The following MANBA variants were observed in gnomAD, a reference collection of about 807,000 sequenced individuals.
MANBA encodes mannosidase beta, also known as beta-mannosidase.
In MANBA, 83 loss-of-function variants were observed where a neutral mutation model predicts 111.1. The ratio of observed to expected loss-of-function variants is 0.75; its 90% CI spans 0.63 to 0.90. The LOEUF (loss-of-function observed/expected upper bound fraction) is 0.90, where lower values mean the gene tolerates loss of function less well. Among genes scored for constraint, MANBA ranks in the 40% least tolerant of loss-of-function variants. The probability of loss-of-function intolerance (pLI) is 0.00; values close to 1 mark genes in which losing one functional copy is unlikely to be tolerated. For synonymous variants in MANBA, 370 were observed against 378.7 expected, an observed-to-expected ratio of 0.98 and a Z score of 0.27; for missense variants, 1,036 against 1,069.0, an observed-to-expected ratio of 0.97 and a Z score of 0.43.
At chr4:102,673,806 T>A (rs1731602602) in intron 8 of MANBA, 113 bp downstream of exon 8, 6 of 956,918 alleles carry the variant, frequency 6.3e-6, no homozygotes, top group Middle Eastern at 2.1e-4. Context: ...TAGAATTCTA[T>A]ACTACCTCTT....
At chr4:102,725,705 C>A (rs1055163726) in intron 2 of MANBA, among the ~76,000 whole-genome samples, 13 of 151,986 alleles carry the variant, frequency 8.6e-5, no homozygotes, top group Non-Finnish European at 1.8e-4. Flanking sequence ...CAGCTTTGGC[C>A]TCTTTCCTGG....
intron 1 of MANBA, among the ~76,000 whole-genome samples, chr4:102,756,017 C>G (rs1723997300): frequency 6.6e-6 from 1 of 152,216 alleles, no homozygotes; most frequent in Non-Finnish European, 1.5e-5. Context: ...CACTTTTACA[C>G]TGTTGGTGGG....
chr4:102,679,674 AG>A (rs527826831), intron 7 of MANBA: 8 of 152,314 alleles, frequency 5.3e-5, no homozygotes, highest in African/African-American at 1.9e-4. Context: ...TGTTCAACAA[AG>A]GGTATAGCCA....
At position 102,639,759 on chromosome 4, in the gene MANBA, A is replaced by T; in HGVS notation, c.1968T>A (p.Tyr656Ter). ...CTTGCCAGATGTCATTCAACTGCCA[A>T]TAAAGTGCCCCCATCGTGTGCCCTT... ...DQQGHTMGAL[Y>*]WQLNDIWQAP... The change falls in exon 14 of 17, where the codon TAT becomes TAA. Residue 656 changes from tyrosine to a stop codon, truncating the protein, a stop_gained. Coordinates refer to ENST00000647097, the MANE Select transcript of MANBA (RefSeq NM_005908.4). LOFTEE classifies it high-confidence loss of function. 3 of 1,614,166 alleles carry T rather than the reference A, an allele frequency of 1.9e-6. No individual in the cohort carries two copies. The South Asian group carries it at 3.3e-5, about 18-fold the overall frequency.
chr4:102,685,777 AC>A (rs536788497), intron 7 of MANBA, among the ~76,000 whole-genome samples: 5 of 151,982 alleles, frequency 3.3e-5, no homozygotes, highest in Non-Finnish European at 7.4e-5. Context: ...GAATCCAGAG[AC>A]CCCCCCATTC....
At chr4:102,731,165 A>C (rs116345832) in intron 1 of MANBA, among the ~76,000 whole-genome samples, 1 of 152,108 alleles carries the variant, frequency 6.6e-6, no homozygotes, top group African/African-American at 2.4e-5. Context: ...TGCAGAAGTA[A>C]ATTGCCTTGC....
At chr4:102,699,624 T>A (rs1266386910) in intron 5 of MANBA, among the ~76,000 whole-genome samples, 2 of 150,928 alleles carry the variant, frequency 1.3e-5, no homozygotes, top group Non-Finnish European at 1.5e-5. Flanking sequence ...ATCATGTGGT[T>A]TTTGTCTTTG....
At chr4:102,633,622 G>A (rs370817809) in intron 16 of MANBA, 7 of 393,046 alleles carry the variant, frequency 1.8e-5, no homozygotes, top group African/African-American at 6.2e-5. Flanking sequence ...AAGTCTCACT[G>A]AAATCAAAAT....
chr4:102,719,232 T>A (rs945105915), intron 4 of MANBA, among the ~76,000 whole-genome samples: 14 of 152,192 alleles, frequency 9.2e-5, no homozygotes, highest in African/African-American at 2.9e-4. Flanking sequence ...GGGTTACTCC[T>A]TGCTGGGAAA....
chr4:102,707,601 G>T (rs1253194967), intron 5 of MANBA, among the ~76,000 whole-genome samples: 1 of 151,982 alleles, frequency 6.6e-6, no homozygotes, highest in Admixed American at 6.6e-5. Context: ...ACAAAAAAAG[G>T]TATACAAAAC....
intron 5 of MANBA, among the ~76,000 whole-genome samples, chr4:102,696,291 C>A (rs192119723): frequency 2.0e-5 from 3 of 152,220 alleles, no homozygotes; most frequent in Admixed American, 1.3e-4. Context: ...CTCTGCTAAA[C>A]GTGTATTTAT....
chr4:102,728,969 A>G, intron 1 of MANBA: 1 of 841,238 alleles, frequency 1.2e-6, no homozygotes, highest in Non-Finnish European at 2.0e-6. Context: ...CCCAGAGTCC[A>G]GCTGGCTCTC....
intron 7 of MANBA, among the ~76,000 whole-genome samples, chr4:102,680,369 G>T (rs1350742181): frequency 1.3e-5 from 2 of 152,058 alleles, no homozygotes. Flanking sequence ...AGAGAAAACC[G>T]CACACAGCAG....
intron 1 of MANBA, chr4:102,751,449 G>A: frequency 3.9e-6 from 2 of 512,286 alleles, no homozygotes; most frequent in Non-Finnish European, 4.0e-6. Context: ...GAAATATGCT[G>A]TAAATGATGT....
intron 5 of MANBA, among the ~76,000 whole-genome samples, chr4:102,703,617 A>T (rs1733161875): frequency 6.6e-6 from 1 of 152,142 alleles, no homozygotes; most frequent in African/African-American, 2.4e-5. Context: ...TATTCTGCAG[A>T]CCCTGCACTG....
At chr4:102,680,548 A>G (rs1320413091) in intron 7 of MANBA, among the ~76,000 whole-genome samples, 1 of 152,030 alleles carries the variant, frequency 6.6e-6, no homozygotes, top group African/African-American at 2.4e-5. Context: ...ATGAGGTGAG[A>G]TGAGAAAGAA....
Position 102,631,939 on chromosome 4 carries a change from TGGCAG to T in MANBA, c.*113_*117del. ...TTCACAGAGCAATCGCTCAAATGCG[TGGCAG>T]CACGCAGACATGTCTCTCGGCTTCT... On this transcript the variant is annotated 3_prime_UTR_variant, in exon 17 of 17. Coordinates refer to ENST00000647097, the MANE Select transcript of MANBA (RefSeq NM_005908.4). 1.1e-6 allele frequency: 1 copy of T among 882,284 alleles called. No homozygotes were observed. The highest frequency in any genetic ancestry group is 1.9e-6 in the Non-Finnish European group (1 of 538,110). The allele number at this position is 882,284 out of a possible 1,614,324, so 54.7% of individuals were successfully genotyped here.
chr4:102,704,511 A>T (rs939047881), intron 5 of MANBA, among the ~76,000 whole-genome samples: 1 of 152,168 alleles, frequency 6.6e-6, no homozygotes, highest in African/African-American at 2.4e-5. Context: ...CTTAAATTTT[A>T]AAAATGAATA....
intron 4 of MANBA, among the ~76,000 whole-genome samples, chr4:102,718,771 A>T (rs564408751): frequency 6.6e-6 from 1 of 152,324 alleles, no homozygotes; most frequent in Non-Finnish European, 1.5e-5. Flanking sequence ...AAACAGAAAG[A>T]GTACAAAGAG....
Sources: allele counts gnomAD v4.1 joint callset (sites outside exome capture counted in the v4.1 genomes callset), GRCh38; gene constraint gnomAD v4.1.1; transcripts MANE v1.5; gene names NCBI Gene and HGNC (gene_info 2026-07-23, HGNC 2026-07-21).